The following WNT2B variants were observed in gnomAD, a reference collection of about 807,000 sequenced individuals.
WNT2B encodes the protein Wnt family member 2B.
WNT2B carries 19 observed loss-of-function variants against 40.5 expected under a neutral mutation model. The observed-to-expected ratio is 0.47, with a 90% CI of 0.33 to 0.69. The LOEUF is 0.69. Among genes scored for constraint, WNT2B ranks in the 30% least tolerant of loss-of-function variants. The pLI, the probability that WNT2B is intolerant of heterozygous loss-of-function variation, is 0.02. For synonymous variants in WNT2B, 220 were observed against 211.9 expected (o/e 1.04, Z -0.33); for missense variants, 467 against 556.4 (o/e 0.84, Z 1.62).
rs976396857 is a variant in WNT2B at position 112,523,063 on chromosome 1, C to T, written c.*2554C>T. On this transcript the variant is annotated 3_prime_UTR_variant, in exon 5 of 5. Coordinates refer to ENST00000369684, the MANE Select transcript of WNT2B (RefSeq NM_024494.3). ...GGGGAAAGCCTCAGGTCCTGGCCAG[C>T]CCCTGTTCTCACAAGAACATGCAGG... is the stretch of plus-strand genomic sequence containing the variant. 6.6e-6 allele frequency: 1 copy of T among 152,186 alleles called. No homozygotes were observed. Among genetic ancestry groups the T allele is most frequent in the Non-Finnish European group, 1.5e-5 (1 of 68,050 alleles). The allele number at this position is 152,186 out of a possible 1,614,324, so 9.4% of individuals were successfully genotyped here. A position where few individuals can be genotyped will look rare whatever the true frequency, so the allele number is the denominator to read the frequency against.
At chr1:112,485,334 G>A (rs72699035) in intron 1 of WNT2B, among the ~76,000 whole-genome samples, 12,174 of 152,044 alleles carry the variant, frequency 0.08, 678 homozygotes, top group African/African-American at 0.16. Flanking sequence ...GGTGACAGGT[G>A]CCTGTAATCC....
rs1652610143 is a variant in WNT2B at position 112,517,351 on chromosome 1, C to G, written c.912C>G (p.Asn304Lys). 5.6e-6 allele frequency: 9 copies of G among 1,611,932 alleles called. No individual in the cohort carries two copies. Among genetic ancestry groups the G allele is most frequent in the Non-Finnish European group, 7.6e-6 (9 of 1,178,234 alleles). Residue 304 changes from asparagine (N) to lysine (K), a missense_variant, in exon 4 of 5, where the codon AAC (asparagine) becomes AAG (lysine). This residue lies in a region of WNT2B where 330 missense variants were observed against 438.6 expected (regional missense o/e 0.75). Coordinates refer to ENST00000369684, the MANE Select transcript of WNT2B (RefSeq NM_024494.3). Reference protein sequence around the residue: ...ATRTDLVYFDNSPDYCVLDKA... With the variant: ...ATRTDLVYFDKSPDYCVLDKA... ...GGACTGATCTTGTCTACTTTGACAA[C>G]TCTCCAGATTACTGTGTCTTGGACA...
chr1:112,490,905 T>A, intron 1 of WNT2B: 1 of 1,136,124 alleles, frequency 8.8e-7, no homozygotes, highest in East Asian at 2.6e-5. Flanking sequence ...CCCCCTGGAT[T>A]CCCAATAGCT....
chr1:112,514,938 C>A lies in WNT2B; in HGVS notation c.247C>A (p.Arg83=). The A allele has an allele frequency of 6.2e-7, 1 of 1,614,190 alleles. No individual in the cohort carries two copies. Among genetic ancestry groups the A allele is most frequent in the Middle Eastern group, 1.6e-4 (1 of 6,062 alleles). ...DNIPGLVSRQ[R]QLCQRYPDIM... Reference sequence around the variant, plus strand: ...TATCCCTGGTTTGGTGAGCCGGCAGCGGCAGCTGTGCCAGCGTTACCCAGA... The same window carrying A: ...TATCCCTGGTTTGGTGAGCCGGCAGAGGCAGCTGTGCCAGCGTTACCCAGA... The change falls in exon 2 of 5, where the codon CGG becomes AGG. Residue 83 remains arginine, a synonymous_variant. Transcript: ENST00000369684.
intron 1 of WNT2B, among the ~76,000 whole-genome samples, chr1:112,479,700 A>G (rs1469689711): frequency 3.3e-5 from 5 of 152,086 alleles, no homozygotes; most frequent in Admixed American, 6.5e-5. Context: ...AATTGAAGTT[A>G]AGTTTTTTTG....
Position 112,524,003 on chromosome 1 carries a change from A to AAAAAAC in WNT2B, c.*3499_*3500insCAAAAA, listed in dbSNP as rs1653037229. ...TAAAATCAGGGGCTTCAGATTAAAA[A>AAAAAAC]AAAAAACAAAAAACAAAAAACAAAA... On this transcript the variant is annotated 3_prime_UTR_variant, in exon 5 of 5. Coordinates refer to ENST00000369684, the MANE Select transcript of WNT2B (RefSeq NM_024494.3). The AAAAAAC allele has an allele frequency of 6.6e-6, 1 of 152,048 alleles. No homozygotes were observed. The highest frequency in any genetic ancestry group is 1.5e-5 in the Non-Finnish European group (1 of 68,024). The allele number at this position is 152,048 out of a possible 1,614,324, so 9.4% of individuals were successfully genotyped here. A position where few individuals can be genotyped will look rare whatever the true frequency, so the allele number is the denominator to read the frequency against.
rs1653764516 is a variant in WNT2B at position 112,528,115 on chromosome 1, C to A, written c.*7606C>A. ...AAGGAATTAGGTTAATGAGATTAAG[C>A]AGAGATGGCATTCCACAGGAGGTGA... On this transcript the variant is annotated 3_prime_UTR_variant, in exon 5 of 5. Transcript: ENST00000369684. 6.6e-6 allele frequency: 1 copy of A among 152,102 alleles called. No individual in the cohort carries two copies. Among genetic ancestry groups the A allele is most frequent in the Non-Finnish European group, 1.5e-5 (1 of 68,016 alleles). The allele number at this position is 152,102 out of a possible 1,614,324, so 9.4% of individuals were successfully genotyped here.
rs1228757221 is a variant in WNT2B, at chr1:112,520,753, G to C, written c.*244G>C. On this transcript the variant is annotated 3_prime_UTR_variant, in exon 5 of 5. Transcript: ENST00000369684. ...TTCCCGCTCTGGAGATTTGAAGGGA[G>C]AGTAGAAGAGATAGGGGGTCTTTAG... The C allele has an allele frequency of 1.8e-6, 1 of 569,822 alleles. No homozygotes were observed. The highest frequency in any genetic ancestry group is 3.1e-6 in the Non-Finnish European group (1 of 320,680). The allele number at this position is 569,822 out of a possible 1,614,324, so 35.3% of individuals were successfully genotyped here.
chr1:112,484,205 T>G (rs1056574563), intron 1 of WNT2B, among the ~76,000 whole-genome samples: 1 of 119,748 alleles, frequency 8.4e-6, no homozygotes, highest in Admixed American at 8.1e-5. Flanking sequence ...TCCAAAAATT[T>G]TATATATATA....
At chr1:112,504,588 G>T (rs1652057962), upstream of WNT2B, among the ~76,000 whole-genome samples, 1 of 152,180 alleles carries the variant, frequency 6.6e-6, no homozygotes, top group Non-Finnish European at 1.5e-5. Flanking sequence ...TTCTTCCCAA[G>T]CTTCCTTTAC....
chr1:112,518,914 A>C (rs1652710862), intron 4 of WNT2B, among the ~76,000 whole-genome samples: 1 of 152,234 alleles, frequency 6.6e-6, no homozygotes, highest in Admixed American at 6.5e-5. Context: ...ATACAGTAGC[A>C]ACTAGCCACA....
chr1:112,492,249 A>G (rs574665895), intron 1 of WNT2B, among the ~76,000 whole-genome samples: 43 of 152,362 alleles, frequency 2.8e-4, no homozygotes, highest in African/African-American at 7.7e-4. Context: ...GAACAAACTG[A>G]AAAATCAACA....
chr1:112,473,597 G>A (rs1225810059), intron 1 of WNT2B, among the ~76,000 whole-genome samples: 1 of 151,996 alleles, frequency 6.6e-6, no homozygotes, highest in Non-Finnish European at 1.5e-5. Context: ...TGAGCTTTGG[G>A]TCACATTCAG....
At chr1:112,495,559 A>G (rs1050348014) in intron 1 of WNT2B, among the ~76,000 whole-genome samples, 4 of 151,860 alleles carry the variant, frequency 2.6e-5, no homozygotes, top group South Asian at 4.2e-4. Flanking sequence ...ACTGCGCTCC[A>G]GCCTGGGTGA....
rs141733098 is a variant in WNT2B at position 112,484,516 on chromosome 1, A to G, written c.-95+16925A>G. On this transcript the variant is annotated intron_variant, in intron 1 of 4. Coordinates refer to the WNT2B transcript ENST00000256640. Reference sequence around the variant, plus strand: ...GGTCTCAAACTCCTGGACTCAAGTGATTCATCTACCTGGGCCTCCCAAAGT... The same window carrying G: ...GGTCTCAAACTCCTGGACTCAAGTGGTTCATCTACCTGGGCCTCCCAAAGT... Among the ~76,000 whole-genome samples the G allele has an allele frequency of 3.0e-3, 451 of 151,508 alleles. 2 individuals carry two copies. The highest frequency in any genetic ancestry group is 0.01 in the African/African-American group (426 of 41,332).
chr1:112,518,631 T>C (rs1297746561), intron 4 of WNT2B, among the ~76,000 whole-genome samples: 1 of 152,174 alleles, frequency 6.6e-6, no homozygotes, highest in Non-Finnish European at 1.5e-5. Flanking sequence ...CTAGAAATAA[T>C]TCCATAACAT....
chr1:112,486,859 A>G (rs1248404331), intron 1 of WNT2B, among the ~76,000 whole-genome samples: 1 of 152,234 alleles, frequency 6.6e-6, no homozygotes, highest in Non-Finnish European at 1.5e-5. Context: ...TAGAGCAACT[A>G]GAACTGCAAA....
chr1:112,516,953 G>C (rs1045607279), intron 3 of WNT2B, among the ~76,000 whole-genome samples, 168 bp from the exon 4 acceptor site: 1 of 152,226 alleles, frequency 6.6e-6, no homozygotes, highest in Non-Finnish European at 1.5e-5. Flanking sequence ...TCTTGAACTT[G>C]ATCAGGAAGA....
intron 3 of WNT2B, 94 bp downstream of exon 3, chr1:112,516,511 T>C: frequency 6.8e-7 from 1 of 1,481,004 alleles, no homozygotes. Flanking sequence ...ATGGAAGAGC[T>C]GAAGGCTTCT....
Sources: gnomAD v4.1 joint callset for allele counts (sites outside exome capture counted in the v4.1 genomes callset) on GRCh38, gnomAD v4.1.1 for gene constraint, gnomAD v4.1.1 regional missense constraint, MANE v1.5 for transcripts, NCBI Gene and HGNC (gene_info 2026-07-23, HGNC 2026-07-21) for gene names.